The following CEP70 variants were observed in gnomAD, a reference collection of about 807,000 sequenced individuals.
CEP70 encodes the protein centrosomal protein of 70 kDa.
CEP70 carries 70 observed loss-of-function variants against 90.9 expected under a neutral mutation model. The observed-to-expected ratio is 0.77, with a 90% CI of 0.64 to 0.94. CEP70 has a LOEUF of 0.94. Among genes scored for constraint, CEP70 ranks in the 40% least tolerant of loss-of-function variants. The probability of loss-of-function intolerance (pLI) is 0.00; values close to 1 mark genes in which losing one functional copy is unlikely to be tolerated. For synonymous variants in CEP70, 220 were observed against 228.3 expected (o/e 0.96, Z 0.33); for missense variants, 648 against 669.0 (o/e 0.97, Z 0.35).
chr3:138,531,280 A>G lies in CEP70; in HGVS notation c.692+1234T>C, dbSNP rs144070471. ...CAGAGAACCCCGTTTGCAGAACTCT[A>G]CAAGTACCTCTCACATCATATTCTA... is the stretch of plus-strand genomic sequence containing the variant. On this transcript the variant is annotated intron_variant, in intron 8 of 17. Transcript: ENST00000264982. 4.7e-3 allele frequency among the ~76,000 whole-genome samples: 723 copies of G among 152,250 alleles called. 4 individuals carry two copies. The highest frequency in any genetic ancestry group is 0.017 in the African/African-American group (696 of 41,542).
intron 11 of CEP70, among the ~76,000 whole-genome samples, chr3:138,518,847 G>A (rs1351752279): frequency 1.3e-5 from 2 of 152,194 alleles, no homozygotes; most frequent in Non-Finnish European, 2.9e-5. Context: ...ACTTTGACGA[G>A]TTGAGAGAAG....
chr3:138,537,154 T>A (rs775864813), intron 7 of CEP70, 24 bp downstream of exon 7: 1 of 1,469,252 alleles, frequency 6.8e-7, no homozygotes, highest in Non-Finnish European at 9.0e-7. Flanking sequence ...TCTAGCTACA[T>A]ATCAATTTAT....
intron 11 of CEP70, 117 bp from the exon 12 acceptor site, chr3:138,508,661 A>G (rs1314179198): frequency 5.7e-6 from 4 of 699,416 alleles, no homozygotes; most frequent in Non-Finnish European, 1.0e-5. Context: ...CACTTTACTT[A>G]TATGTGTGTG....
At chr3:138,522,129 T>C (rs921085428) in intron 11 of CEP70, among the ~76,000 whole-genome samples, 2 of 152,142 alleles carry the variant, frequency 1.3e-5, no homozygotes, top group African/African-American at 4.8e-5. Context: ...CAAGTACCCA[T>C]GGACGCAAAC....
intron 6 of CEP70, among the ~76,000 whole-genome samples, chr3:138,568,679 T>C (rs2040947416): frequency 6.6e-6 from 1 of 152,166 alleles, no homozygotes; most frequent in Non-Finnish European, 1.5e-5. Context: ...GAAAGCAACC[T>C]TGTTAACAAA....
chr3:138,575,106 C>T (rs924352907), intron 2 of CEP70, among the ~76,000 whole-genome samples: 2 of 152,048 alleles, frequency 1.3e-5, no homozygotes, highest in African/African-American at 2.4e-5. Context: ...ATGACTTTGA[C>T]GAGTTGACAG....
At position 138,570,458 on chromosome 3, in the gene CEP70, C is replaced by T; in HGVS notation, c.325G>A (p.Glu109Lys). The change falls in exon 6 of 18, where the codon GAA becomes AAA. Residue 109 changes from glutamate to lysine, a missense_variant. By Grantham distance (56) the Glu-to-Lys change is moderately conservative (BLOSUM62 1). Transcript: ENST00000264982. ...TGTTCCAAGTCATTAGCTCGTTGTT[C>T]TTGATTGGCTGCTCGGCTTTGCTCT... Reference protein sequence around the residue: ...QLEQSRAANQEQRANDLEQIM... With the variant: ...QLEQSRAANQKQRANDLEQIM... 6.2e-7 allele frequency: 1 copy of T among 1,608,390 alleles called. No individual in the cohort carries two copies. The highest frequency in any genetic ancestry group is 8.5e-7 in the Non-Finnish European group (1 of 1,178,300).
intron 11 of CEP70, among the ~76,000 whole-genome samples, chr3:138,509,226 G>A (rs1032157698): frequency 6.6e-6 from 1 of 152,080 alleles, no homozygotes; most frequent in African/African-American, 2.4e-5. Context: ...TCCATCCAAC[G>A]TGCTCCAAGA....
At chr3:138,521,419 C>T (rs1425856339) in intron 11 of CEP70, among the ~76,000 whole-genome samples, 4 of 150,814 alleles carry the variant, frequency 2.7e-5, no homozygotes, top group Admixed American at 6.6e-5. Flanking sequence ...TCTGCCCAGC[C>T]GCCCAGTCTG....
At chr3:138,550,825 G>A (rs2107946225) in intron 6 of CEP70, among the ~76,000 whole-genome samples, 1 of 152,258 alleles carries the variant, frequency 6.6e-6, no homozygotes, top group South Asian at 2.1e-4. Flanking sequence ...CAATGACAAA[G>A]AAAAAGAATA....
intron 7 of CEP70, 145 bp downstream of exon 7, chr3:138,537,033 A>C: frequency 4.7e-6 from 2 of 429,750 alleles, no homozygotes; most frequent in Non-Finnish European, 8.1e-6. Flanking sequence ...CAGGATGAGC[A>C]GGGAAAAACA....
chr3:138,562,022 CAAAA>C (rs35638353), intron 6 of CEP70, among the ~76,000 whole-genome samples: 6 of 110,858 alleles, frequency 5.4e-5, no homozygotes, highest in Admixed American at 9.2e-5. Context: ...GACGCCGTCT[CAAAA>C]AAAAAAAAAA....
In CEP70 at chr3:138,590,646, T is replaced by TAAA. The variant is rs35742919; in HGVS notation, c.-6+1205_-6+1207dup. ...GATACCCCGTTTCTACTAAAAATACTAAAAAAAAAAAAAAAATAGCCGATC... is the reference window on the plus strand; with the variant it reads ...GATACCCCGTTTCTACTAAAAATACTAAAAAAAAAAAAAAAAAAATAGCCGATC... On this transcript the variant is annotated intron_variant, in intron 2 of 17. Transcript: ENST00000264982. 5.8e-3 allele frequency among the ~76,000 whole-genome samples: 773 copies of TAAA among 133,526 alleles called. 6 individuals carry two copies. The highest frequency in any genetic ancestry group is 0.02 in the African/African-American group (747 of 36,790). 87.6% of individuals were successfully genotyped at this position (133,526 alleles called of 152,430 possible).
rs2041163065 is a variant in CEP70, at chr3:138,571,364, T to G, written c.70-8A>C. ...CCATTCTGCTTCTTCCTGCTACAAT[T>G]ACAGAAAGAGAAGAAAGGGTTAACT... On this transcript the variant is annotated splice_region_variant and splice_polypyrimidine_tract_variant and intron_variant, in intron 3 of 17. Coordinates refer to ENST00000264982, the MANE Select transcript of CEP70 (RefSeq NM_024491.4). 2.5e-6 allele frequency: 4 copies of G among 1,568,730 alleles called. No individual in the cohort carries two copies. In the East Asian group the frequency reaches 6.7e-5, roughly 26 times the overall value.
chr3:138,542,832 G>T (rs948092487), intron 6 of CEP70, among the ~76,000 whole-genome samples: 1 of 152,206 alleles, frequency 6.6e-6, no homozygotes, highest in Admixed American at 6.5e-5. Context: ...ACTGGAAGGT[G>T]AGCAAGGTGG....
At chr3:138,544,594 G>C (rs1001159078) in intron 6 of CEP70, among the ~76,000 whole-genome samples, 1 of 151,852 alleles carries the variant, frequency 6.6e-6, no homozygotes. Context: ...ATATTGAAGA[G>C]GTATCTGTAC....
chr3:138,532,453 A>G, intron 8 of CEP70, 61 bp downstream of exon 8: 13 of 1,378,672 alleles, frequency 9.4e-6, no homozygotes, highest in Non-Finnish European at 1.2e-5. Flanking sequence ...AAGCTACAGA[A>G]ACTTCTGGTG....
At chr3:138,580,831 T>G (rs2041813681) in intron 2 of CEP70, among the ~76,000 whole-genome samples, 1 of 152,048 alleles carries the variant, frequency 6.6e-6, no homozygotes, top group East Asian at 1.9e-4. Context: ...CTGAAATAAT[T>G]TTTTAAAGTC....
At chr3:138,540,480 TA>T (rs35741273) in intron 6 of CEP70, among the ~76,000 whole-genome samples, 1,494 of 123,584 alleles carry the variant, frequency 0.012, 5 homozygotes, top group African/African-American at 0.021. Flanking sequence ...CAAGACTATG[TA>T]AAAAAAAAAA....
Sources: gnomAD v4.1 joint callset for allele counts (sites outside exome capture counted in the v4.1 genomes callset) on GRCh38, gnomAD v4.1.1 for gene constraint, MANE v1.5 for transcripts, NCBI Gene and HGNC (gene_info 2026-07-23, HGNC 2026-07-21) for gene names.